Variants in CASD1 observed in about 807,000 individuals in gnomAD.
CASD1 encodes N-acetylneuraminate (7)9-O-acetyltransferase.
A neutral mutation model predicts 100.0 loss-of-function variants in CASD1; 41 were observed. The ratio of observed to expected loss-of-function variants is 0.41; its 90% CI spans 0.32 to 0.53. CASD1 has a LOEUF of 0.53. CASD1 is among the 20% of genes least tolerant of loss of function. The probability of loss-of-function intolerance (pLI) is 0.25; values close to 1 mark genes in which losing one functional copy is unlikely to be tolerated. For missense variants in CASD1, 774 were observed against 948.7 expected, an observed-to-expected ratio of 0.82 and a Z score of 2.42; for synonymous variants, 321 against 315.6, an observed-to-expected ratio of 1.02 and a Z score of -0.18.
chr7:94,613,797 T>C, the CASD1 span, among the ~76,000 whole-genome samples: 1 of 152,126 alleles, frequency 6.6e-6, no homozygotes, highest in Non-Finnish European at 1.5e-5. Flanking sequence ...TAGAGAAGAA[T>C]ATGTCCATAT....
the CASD1 span, among the ~76,000 whole-genome samples, chr7:94,579,754 A>G: frequency 1.3e-5 from 2 of 152,132 alleles, no homozygotes; most frequent in African/African-American, 4.8e-5. Flanking sequence ...CCATATCCAG[A>G]TGACTTACCA....
intron 3 of CASD1, among the ~76,000 whole-genome samples, chr7:94,519,487 A>ACC (rs1794146395): frequency 6.6e-6 from 1 of 152,176 alleles, no homozygotes; most frequent in African/African-American, 2.4e-5. Flanking sequence ...ATCTTTAGCA[A>ACC]CTATTCCATG....
At chr7:94,582,370 G>A in the CASD1 span, among the ~76,000 whole-genome samples, 8 of 152,106 alleles carry the variant, frequency 5.3e-5, no homozygotes, top group South Asian at 2.1e-4. Context: ...TGATCTGCCC[G>A]CCTCGGCCTC....
At chr7:94,603,057 G>A in the CASD1 span, among the ~76,000 whole-genome samples, 1 of 152,124 alleles carries the variant, frequency 6.6e-6, no homozygotes, top group Non-Finnish European at 1.5e-5. Flanking sequence ...CACCTGCCAA[G>A]CTAATCCAGC....
intron 9 of CASD1, among the ~76,000 whole-genome samples, chr7:94,538,325 A>C (rs1241518577): frequency 6.6e-6 from 1 of 152,186 alleles, no homozygotes; most frequent in East Asian, 1.9e-4. Flanking sequence ...ATATATACAT[A>C]CCAATCAGAA....
At chr7:94,534,159 A>ATTTTTTTT (rs56864121) in intron 7 of CASD1, among the ~76,000 whole-genome samples, 2 of 100,538 alleles carry the variant, frequency 2.0e-5, no homozygotes, top group Non-Finnish European at 3.8e-5. Context: ...CTGTTTCATA[A>ATTTTTTTT]TTTTTTTTTT....
the CASD1 span, chr7:94,598,625 G>C: frequency 2.4e-5 from 17 of 703,020 alleles, no homozygotes; most frequent in African/African-American, 3.0e-4. Context: ...TATTTCAGGA[G>C]AGTAGGGGTG....
intron 1 of CASD1, among the ~76,000 whole-genome samples, chr7:94,516,481 A>G (rs561733601): frequency 6.6e-6 from 1 of 152,264 alleles, no homozygotes; most frequent in East Asian, 1.9e-4. Context: ...GTTCTGCAGT[A>G]TTCTTCCTCC....
At chr7:94,578,767 G>A in the CASD1 span, among the ~76,000 whole-genome samples, 1 of 152,134 alleles carries the variant, frequency 6.6e-6, no homozygotes, top group Non-Finnish European at 1.5e-5. Context: ...GCTAGAAGAA[G>A]GGTAAGTTGA....
At chr7:94,567,994 T>TG in the CASD1 span, among the ~76,000 whole-genome samples, 1 of 152,094 alleles carries the variant, frequency 6.6e-6, no homozygotes, top group South Asian at 2.1e-4. Context: ...TATCAACAGG[T>TG]TTTTTAAGAA....
chr7:94,557,821 T>A (rs1319820875), downstream of CASD1, among the ~76,000 whole-genome samples: 1 of 152,046 alleles, frequency 6.6e-6, no homozygotes, highest in Non-Finnish European at 1.5e-5. Context: ...TATTTGATTT[T>A]CTTAATTAGT....
At chr7:94,611,889 A>C in the CASD1 span, among the ~76,000 whole-genome samples, 1 of 152,208 alleles carries the variant, frequency 6.6e-6, no homozygotes, top group Non-Finnish European at 1.5e-5. Context: ...TGGGAAACAA[A>C]TAGTAAATAA....
Position 94,556,666 on chromosome 7 carries a change from C to T in CASD1, c.*908C>T, listed in dbSNP as rs563398280. The stretch of plus-strand genomic sequence containing the variant: ...TATTTTAAATATTTATCAGTCTAAA[C>T]TTGTGCAGTGTAGTAAACATGCAAG... On this transcript the variant is annotated 3_prime_UTR_variant, in exon 18 of 18. Transcript: ENST00000297273. The T allele has an allele frequency of 9.9e-5, 15 of 152,118 alleles. No individual in the cohort carries two copies. The highest frequency in any genetic ancestry group is 1.9e-4 in the East Asian group (1 of 5,178). 9.4% of individuals were successfully genotyped at this position (152,118 alleles called of 1,614,324 possible). A position where few individuals can be genotyped will look rare whatever the true frequency, so the allele number is the denominator to read the frequency against.
the CASD1 span, among the ~76,000 whole-genome samples, chr7:94,610,203 G>A: frequency 6.6e-6 from 1 of 152,166 alleles, no homozygotes; most frequent in African/African-American, 2.4e-5. Context: ...GAAGTTGGGG[G>A]GAAGGAGGGA....
chr7:94,526,725 G>A (rs1249952679), intron 3 of CASD1, among the ~76,000 whole-genome samples: 8 of 152,166 alleles, frequency 5.3e-5, no homozygotes, highest in East Asian at 1.9e-4. Flanking sequence ...CCCGGGAGGC[G>A]GAGGTTGCAA....
At chr7:94,554,209 C>A (rs1435331696) in intron 16 of CASD1, 20 of 217,736 alleles carry the variant, frequency 9.2e-5, no homozygotes. Context: ...TTAGGCAAAT[C>A]TGTAATTTTT....
At chr7:94,615,077 T>G in the CASD1 span, among the ~76,000 whole-genome samples, 1 of 152,188 alleles carries the variant, frequency 6.6e-6, no homozygotes, top group Non-Finnish European at 1.5e-5. Context: ...AAAGGGCAAT[T>G]CAGCCAGGCA....
Position 94,556,244 on chromosome 7 carries a change from T to C in CASD1, c.*486T>C, listed in dbSNP as rs184276683. On this transcript the variant is annotated 3_prime_UTR_variant, in exon 18 of 18. Transcript: ENST00000297273. ...AAGAATGACGGCAGTATTGTTTTCT[T>C]ATATGTGCAATGAAGTGGAATGATA... 3 of 154,580 alleles carry C rather than the reference T, an allele frequency of 1.9e-5. No individual in the cohort carries two copies. The highest frequency in any genetic ancestry group is 1.3e-4 in the Admixed American group (2 of 15,654). The allele number at this position is 154,580 out of a possible 1,614,324, so 9.6% of individuals were successfully genotyped here.
intron 1 of CASD1, among the ~76,000 whole-genome samples, chr7:94,512,374 G>C (rs559954673): frequency 4.6e-5 from 7 of 152,340 alleles, no homozygotes; most frequent in African/African-American, 1.7e-4. Context: ...TCTTGCTTTA[G>C]AATAAGAAAG....
Sources: gnomAD v4.1 joint callset for allele counts (sites outside exome capture counted in the v4.1 genomes callset) on GRCh38, gnomAD v4.1.1 for gene constraint, MANE v1.5 for transcripts, NCBI Gene and HGNC (gene_info 2026-07-23, HGNC 2026-07-21) for gene names.